Variants in COL14A1 observed in about 807,000 individuals in gnomAD.
COL14A1 encodes collagen type XIV alpha 1 chain.
A neutral mutation model predicts 230.3 loss-of-function variants in COL14A1; 136 were observed. The ratio of observed to expected loss-of-function variants is 0.59; its 90% CI spans 0.51 to 0.68. COL14A1 has a LOEUF of 0.68. Ranked by LOEUF, COL14A1 falls within the 30% of genes least tolerant of loss-of-function variation. The probability of loss-of-function intolerance (pLI) is 0.00; values close to 1 mark genes in which losing one functional copy is unlikely to be tolerated. For synonymous variants in COL14A1, 792 were observed against 784.1 expected (o/e 1.01, Z -0.17); for missense variants, 1,976 against 2,215.8 (o/e 0.89, Z 2.17).
At chr8:120,257,133 G>A (rs2129726415) in intron 23 of COL14A1, among the ~76,000 whole-genome samples, 1 of 152,244 alleles carries the variant, frequency 6.6e-6, no homozygotes, top group South Asian at 2.1e-4. Flanking sequence ...AGCTCTTTCT[G>A]AAGCCAAGAT....
At chr8:120,157,190 G>C (rs1021485045) in intron 2 of COL14A1, among the ~76,000 whole-genome samples, 4 of 152,052 alleles carry the variant, frequency 2.6e-5, no homozygotes, top group Non-Finnish European at 5.9e-5. Flanking sequence ...AACATTCTGG[G>C]CTGATTCATG....
chr8:120,282,682 G>A (rs567388147), intron 31 of COL14A1, among the ~76,000 whole-genome samples: 1 of 152,186 alleles, frequency 6.6e-6, no homozygotes, highest in Non-Finnish European at 1.5e-5. Context: ...TATATGTAAA[G>A]GGTTGTATTT....
intron 3 of COL14A1, among the ~76,000 whole-genome samples, chr8:120,158,929 C>G (rs1815568773): frequency 6.6e-6 from 1 of 152,028 alleles, no homozygotes; most frequent in East Asian, 1.9e-4. Context: ...AGGGAAATTG[C>G]CTCTGCTACA....
chr8:120,341,555 G>A (rs1425243828), intron 43 of COL14A1, among the ~76,000 whole-genome samples, 195 bp downstream of exon 43: 1 of 152,198 alleles, frequency 6.6e-6, no homozygotes, highest in East Asian at 1.9e-4. Context: ...TGGGAGTCAG[G>A]AGAGCTAGTT....
chr8:120,269,387 A>G (rs1463551171), intron 25 of COL14A1, among the ~76,000 whole-genome samples: 2 of 151,792 alleles, frequency 1.3e-5, no homozygotes, highest in Non-Finnish European at 2.9e-5. Context: ...CTTTGTTGAT[A>G]TCTGTAATAC....
chr8:120,142,798 A>T (rs1041485945), intron 1 of COL14A1, among the ~76,000 whole-genome samples: 2 of 152,214 alleles, frequency 1.3e-5, no homozygotes, highest in Non-Finnish European at 2.9e-5. Flanking sequence ...TATTGGCAAC[A>T]TAAAAGAGTT....
At chr8:120,143,836 A>G (rs73704241) in intron 1 of COL14A1, among the ~76,000 whole-genome samples, 3,994 of 152,002 alleles carry the variant, frequency 0.026, 178 homozygotes, top group African/African-American at 0.09. Context: ...GTATGGAGAT[A>G]CTAGATAAAT....
At position 120,371,374 on chromosome 8, in the gene COL14A1, ATAT is replaced by A. The variant is rs1011826042; in HGVS notation, c.*158_*160del. 1.4e-4 allele frequency: 56 copies of A among 399,206 alleles called. No individual in the cohort carries two copies. The highest frequency in any genetic ancestry group is 1.5e-4 in the East Asian group (4 of 26,504). The allele number at this position is 399,206 out of a possible 1,614,324, so 24.7% of individuals were successfully genotyped here. A position where few individuals can be genotyped will look rare whatever the true frequency, so the allele number is the denominator to read the frequency against. Reference sequence around the variant, plus strand: ...TAAATCTCCTCCTTGGATAATGTTAATATTATTATTATTATTAACAAAAAATAT... The same window carrying A: ...TAAATCTCCTCCTTGGATAATGTTAATATTATTATTATTAACAAAAAATAT... On this transcript the variant is annotated 3_prime_UTR_variant, in exon 48 of 48. Transcript: ENST00000297848.
chr8:120,314,144 A>C, intron 38 of COL14A1, 117 bp downstream of exon 38: 1 of 683,388 alleles, frequency 1.5e-6, no homozygotes, highest in Non-Finnish European at 2.4e-6. Flanking sequence ...CTTTGAAAGC[A>C]ATGATGGAGT....
At chr8:120,177,696 A>G (rs898141567) in intron 5 of COL14A1, among the ~76,000 whole-genome samples, 3 of 144,860 alleles carry the variant, frequency 2.1e-5, no homozygotes, top group African/African-American at 7.5e-5. Context: ...TAAAAAGACT[A>G]TATATATATA....
At chr8:120,142,870 T>C (rs914365189) in intron 1 of COL14A1, among the ~76,000 whole-genome samples, 4 of 152,330 alleles carry the variant, frequency 2.6e-5, no homozygotes, top group East Asian at 1.9e-4. Context: ...TTTTTATGAA[T>C]GGTTGCTTGA....
intron 2 of COL14A1, among the ~76,000 whole-genome samples, chr8:120,156,277 C>A (rs1204719637): frequency 1.3e-5 from 2 of 151,768 alleles, no homozygotes; most frequent in African/African-American, 4.8e-5. Context: ...TCAATTAATT[C>A]TCCTGTCTCA....
intron 39 of COL14A1, 103 bp from the exon 40 acceptor site, chr8:120,315,841 G>A: frequency 8.5e-7 from 1 of 1,176,370 alleles, no homozygotes; most frequent in Non-Finnish European, 1.2e-6. Flanking sequence ...TCACCATTAT[G>A]CTCTTAGGTT....
At chr8:120,253,300 C>T (rs912805098) in intron 22 of COL14A1, among the ~76,000 whole-genome samples, 5 of 152,100 alleles carry the variant, frequency 3.3e-5, no homozygotes, top group African/African-American at 4.8e-5. Flanking sequence ...TGAGCCACTA[C>T]GCCCAGCCCT....
At chr8:120,362,230 T>A (rs1444136422) in intron 45 of COL14A1, among the ~76,000 whole-genome samples, 1 of 152,176 alleles carries the variant, frequency 6.6e-6, no homozygotes, top group Non-Finnish European at 1.5e-5. Flanking sequence ...TAAGGACAAG[T>A]GAGTTACCCT....
chr8:120,231,695 T>C (rs1818274111), intron 19 of COL14A1, 77 bp downstream of exon 19: 1 of 1,452,814 alleles, frequency 6.9e-7, no homozygotes, highest in Non-Finnish European at 9.3e-7. Flanking sequence ...CGGAGATCAA[T>C]GCAAACTTTA....
intron 19 of COL14A1, 72 bp downstream of exon 19, chr8:120,231,690 A>G: frequency 6.8e-7 from 1 of 1,478,850 alleles, no homozygotes; most frequent in Middle Eastern, 1.8e-4. Context: ...GTCTTCGGAG[A>G]TCAATGCAAA....
intron 13 of COL14A1, among the ~76,000 whole-genome samples, chr8:120,214,774 G>GA (rs34539626): frequency 0.52 from 78,065 of 151,300 alleles, 20,500 homozygotes; most frequent in East Asian, 0.63. Flanking sequence ...AATATACGGT[G>GA]AAAAAAAATA....
In COL14A1 at chr8:120,332,247, T is replaced by A. The variant is rs931032915; in HGVS notation, c.4713+53T>A. 5 of 1,533,156 alleles carry A rather than the reference T, an allele frequency of 3.3e-6. No individual in the cohort carries two copies. In the South Asian group the frequency reaches 5.7e-5, roughly 17 times the overall value. The allele number at this position is 1,533,156 out of a possible 1,614,324, so 95.0% of individuals were successfully genotyped here. ...ATACTCTGTTTTAAAGCACTTCATT[T>A]CTTTTGAGAGGTTTTCTTTTGCCAG... On this transcript the variant is annotated intron_variant, in intron 41 of 47. Transcript: ENST00000297848.
Sources: gnomAD v4.1 joint callset for allele counts (sites outside exome capture counted in the v4.1 genomes callset) on GRCh38, gnomAD v4.1.1 for gene constraint, MANE v1.5 for transcripts, NCBI Gene and HGNC (gene_info 2026-07-23, HGNC 2026-07-21) for gene names.